The following POLN variants were observed in gnomAD, a reference collection of about 807,000 sequenced individuals.
POLN encodes the protein DNA polymerase N.
A neutral mutation model predicts 113.5 loss-of-function variants in POLN; 108 were observed. The ratio of observed to expected loss-of-function variants is 0.95; its 90% CI spans 0.81 to 1.12. The LOEUF is 1.12. Among genes scored for constraint, POLN ranks in the 50% most tolerant of loss-of-function variants. The pLI, the probability that POLN is intolerant of heterozygous loss-of-function variation, is 0.00. For synonymous variants in POLN, 386 were observed against 391.5 expected (o/e 0.99, Z 0.17); for missense variants, 1,097 against 1,077.1 (o/e 1.02, Z -0.26).
intron 6 of POLN, among the ~76,000 whole-genome samples, chr4:2,197,827 G>A (rs1218827033): frequency 6.6e-6 from 1 of 152,178 alleles, no homozygotes; most frequent in Non-Finnish European, 1.5e-5. Flanking sequence ...GAGCTGCCTT[G>A]ATTGCCTCTT....
intron 20 of POLN, chr4:2,090,551 C>A: frequency 2.1e-6 from 1 of 472,390 alleles, no homozygotes; most frequent in Non-Finnish European, 4.0e-6. Context: ...ACAGACTGGC[C>A]ATGGTGATCA....
chr4:2,087,641 G>C (rs912736294), intron 20 of POLN, among the ~76,000 whole-genome samples: 1 of 152,044 alleles, frequency 6.6e-6, no homozygotes, highest in Non-Finnish European at 1.5e-5. Flanking sequence ...GTAATTAATA[G>C]AAACTTTAAA....
At position 2,165,858 on chromosome 4, in the gene POLN, C is replaced by T. The variant is rs910037391; in HGVS notation, c.1554+4821G>A. ...GTGGTATAATCACTGCTCAGTGCAG[C>T]CTTGAACTACTGAGCTCAAGTGATC... On this transcript the variant is annotated intron_variant, in intron 13 of 25. Transcript: ENST00000511885. Among the ~76,000 whole-genome samples, 3 of 152,016 alleles carry T rather than the reference C, an allele frequency of 2.0e-5. No individual in the cohort carries two copies. In the South Asian group the frequency reaches 6.2e-4, roughly 32 times the overall value.
chr4:2,125,057 G>C (rs1731544635), intron 19 of POLN, among the ~76,000 whole-genome samples: 1 of 152,160 alleles, frequency 6.6e-6, no homozygotes, highest in African/African-American at 2.4e-5. Context: ...TCCTAAAGCA[G>C]GTTTTTTGTC....
At chr4:2,224,927 G>T (rs1438683110) in intron 3 of POLN, among the ~76,000 whole-genome samples, 2 of 151,980 alleles carry the variant, frequency 1.3e-5, no homozygotes, top group Non-Finnish European at 2.9e-5. Context: ...TCCAGCCTGG[G>T]TGACAAGAGT....
chr4:2,220,456 T>C (rs555191799), intron 3 of POLN, among the ~76,000 whole-genome samples: 1 of 152,316 alleles, frequency 6.6e-6, no homozygotes, highest in African/African-American at 2.4e-5. Flanking sequence ...ACCCCATAGG[T>C]GGGTTCCCAC....
At chr4:2,174,310 G>A (rs2022341) in intron 10 of POLN, among the ~76,000 whole-genome samples, 37,578 of 152,224 alleles carry the variant, frequency 0.25, 7,173 homozygotes, top group African/African-American at 0.52. Context: ...TGCCCATCAG[G>A]ACCTGCGGTC....
intron 11 of POLN, among the ~76,000 whole-genome samples, chr4:2,172,763 A>G (rs1489263321): frequency 1.3e-5 from 2 of 152,250 alleles, no homozygotes; most frequent in Non-Finnish European, 2.9e-5. Context: ...GCATTATTGA[A>G]TAAAACTAAG....
chr4:2,095,318 C>T (rs1042218522), intron 20 of POLN, among the ~76,000 whole-genome samples: 15 of 152,250 alleles, frequency 9.9e-5, no homozygotes, highest in Admixed American at 3.9e-4. Context: ...GGCCTAGCCC[C>T]GCTTTCTCCT....
chr4:2,117,954 A>G (rs918636294), intron 19 of POLN, among the ~76,000 whole-genome samples: 1 of 152,232 alleles, frequency 6.6e-6, no homozygotes, highest in African/African-American at 2.4e-5. Flanking sequence ...AGTTTCAGGT[A>G]ATCAGTCCCT....
At chr4:2,171,051 C>A in intron 12 of POLN, 47 bp downstream of exon 12, 1 of 1,478,440 alleles carries the variant, frequency 6.8e-7, no homozygotes, top group South Asian at 1.2e-5. Context: ...CCCTTTAACT[C>A]CTGAATAAGA....
chr4:2,138,044 G>A (rs1013964292), intron 16 of POLN, among the ~76,000 whole-genome samples: 2 of 152,092 alleles, frequency 1.3e-5, no homozygotes, highest in East Asian at 1.9e-4. Flanking sequence ...TCATCATGTT[G>A]GCCAGGTTGG....
At chr4:2,190,824 C>A (rs894212984) in intron 7 of POLN, among the ~76,000 whole-genome samples, 2 of 152,154 alleles carry the variant, frequency 1.3e-5, no homozygotes, top group Non-Finnish European at 2.9e-5. Context: ...AATGAGATAT[C>A]ATCTCACCCC....
At chr4:2,193,436 A>G in intron 6 of POLN, 120 bp from the exon 7 acceptor site, 3 of 600,790 alleles carry the variant, frequency 5.0e-6, no homozygotes, top group Non-Finnish European at 8.6e-6. Context: ...CACATTCACT[A>G]AAGAATTCCA....
At chr4:2,098,136 G>A (rs769915585) in intron 19 of POLN, among the ~76,000 whole-genome samples, 1 of 152,220 alleles carries the variant, frequency 6.6e-6, no homozygotes, top group Non-Finnish European at 1.5e-5. Context: ...AAAATGGGCT[G>A]GGTGCAGTGG....
intron 13 of POLN, among the ~76,000 whole-genome samples, chr4:2,169,994 T>G (rs1255853546): frequency 1.3e-5 from 2 of 152,216 alleles, no homozygotes; most frequent in African/African-American, 4.8e-5. Context: ...GGGCGGAGAC[T>G]GGAGGAACGT....
intron 12 of POLN, 34 bp downstream of exon 12, chr4:2,171,064 T>C (rs1178127033): frequency 2.6e-6 from 4 of 1,537,486 alleles, no homozygotes; most frequent in Middle Eastern, 1.7e-4. Flanking sequence ...GAATAAGAAA[T>C]ACATTTTATG....
At chr4:2,206,474 G>A (rs1043987422) in intron 5 of POLN, among the ~76,000 whole-genome samples, 7 of 152,182 alleles carry the variant, frequency 4.6e-5, no homozygotes, top group Admixed American at 4.6e-4. Flanking sequence ...CCACAGGGTG[G>A]GAGAAAATTT....
intron 2 of POLN, chr4:2,231,052 C>T (rs1279461200): frequency 1.3e-5 from 2 of 152,184 alleles, no homozygotes; most frequent in Non-Finnish European, 2.9e-5. Context: ...CACTGCTCAG[C>T]TGTCTTGTAG....
Sources: gnomAD v4.1 joint callset for allele counts (sites outside exome capture counted in the v4.1 genomes callset) on GRCh38, gnomAD v4.1.1 for gene constraint, MANE v1.5 for transcripts, NCBI Gene and HGNC (gene_info 2026-07-23, HGNC 2026-07-21) for gene names.